Variants in SEMA3A observed in about 807,000 individuals in gnomAD.
SEMA3A encodes the protein semaphorin-3A.
In SEMA3A, 29 loss-of-function variants were observed where a neutral mutation model predicts 97.9. That is an observed-to-expected ratio of 0.30 (90% CI 0.22 to 0.40). The LOEUF (loss-of-function observed/expected upper bound fraction) is 0.40. SEMA3A is among the 10% of genes least tolerant of loss of function. The probability of loss-of-function intolerance (pLI) is 1.00; values close to 1 mark genes in which losing one functional copy is unlikely to be tolerated. For synonymous variants in SEMA3A, 321 were observed against 323.7 expected, an observed-to-expected ratio of 0.99 and a Z score of 0.09; for missense variants, 763 against 951.3, an observed-to-expected ratio of 0.80 and a Z score of 2.60.
At chr7:84,128,474 T>C (rs1004256595) in intron 3 of SEMA3A, among the ~76,000 whole-genome samples, 11 of 152,192 alleles carry the variant, frequency 7.2e-5, no homozygotes, top group Non-Finnish European at 2.9e-5. Context: ...TGAATATAAG[T>C]ATGTATGCTA....
At chr7:84,464,804 CAG>C (rs1805948976) in intron 1 of SEMA3A, among the ~76,000 whole-genome samples, 1 of 152,226 alleles carries the variant, frequency 6.6e-6, no homozygotes, top group African/African-American at 2.4e-5. Flanking sequence ...TTTTGGAAGA[CAG>C]AGGTATGAGA....
At chr7:84,437,365 A>C (rs1309350158) in intron 1 of SEMA3A, among the ~76,000 whole-genome samples, 3 of 151,974 alleles carry the variant, frequency 2.0e-5, no homozygotes, top group Non-Finnish European at 2.9e-5. Flanking sequence ...CTCTCCCTTG[A>C]ATGTTTATTT....
At chr7:84,154,835 GA>G (rs1293756925) in intron 1 of SEMA3A, among the ~76,000 whole-genome samples, 1 of 151,144 alleles carries the variant, frequency 6.6e-6, no homozygotes, top group Non-Finnish European at 1.5e-5. Context: ...GCCTAGAATT[GA>G]AAAAAAATAG....
intron 1 of SEMA3A, among the ~76,000 whole-genome samples, chr7:84,184,735 A>G (rs1305810508): frequency 6.6e-6 from 1 of 152,170 alleles, no homozygotes; most frequent in Non-Finnish European, 1.5e-5. Context: ...TGGAGCTTGA[A>G]GAAACAGAAT....
chr7:84,144,290 G>A (rs1427089739), intron 1 of SEMA3A, among the ~76,000 whole-genome samples: 3 of 152,030 alleles, frequency 2.0e-5, no homozygotes, highest in African/African-American at 2.4e-5. Flanking sequence ...CTCATTGTCA[G>A]AAGGAGGAAA....
chr7:84,367,884 T>C (rs1252803743), intron 2 of SEMA3A, among the ~76,000 whole-genome samples: 1 of 151,248 alleles, frequency 6.6e-6, no homozygotes. Context: ...TCTGTTTATC[T>C]AAAAGAATCT....
intron 3 of SEMA3A, among the ~76,000 whole-genome samples, chr7:84,272,998 T>C (rs1013693021): frequency 7.9e-5 from 12 of 152,136 alleles, no homozygotes; most frequent in Non-Finnish European, 1.5e-4. Flanking sequence ...AAAATAAATA[T>C]AGATTTGTGC....
Position 84,074,365 on chromosome 7 carries a change from G to A in SEMA3A, c.454-13807C>T, listed in dbSNP as rs542913277. Among the ~76,000 whole-genome samples, 6 of 152,150 alleles carry A rather than the reference G, an allele frequency of 3.9e-5. No individual in the cohort carries two copies. The East Asian group carries it at 1.2e-3, about 29-fold the overall frequency. On this transcript the variant is annotated intron_variant, in intron 4 of 16. Coordinates refer to ENST00000265362, the MANE Select transcript of SEMA3A (RefSeq NM_006080.3). ...GTAGTTATTTAACAATATACATTGT[G>A]GGAAGATGCAAAGAAATGTAACCCT...
At chr7:84,387,700 T>C (rs939109206) in intron 1 of SEMA3A, among the ~76,000 whole-genome samples, 2 of 152,198 alleles carry the variant, frequency 1.3e-5, no homozygotes, top group Admixed American at 6.5e-5. Context: ...ATAGTCTGAC[T>C]CTTTTATAGC....
intron 2 of SEMA3A, among the ~76,000 whole-genome samples, chr7:84,341,364 G>A (rs1177191712): frequency 6.6e-6 from 1 of 152,050 alleles, no homozygotes; most frequent in Non-Finnish European, 1.5e-5. Context: ...AATCTTCAAA[G>A]AATATTTCAG....
At chr7:84,176,828 C>T (rs537572582) in intron 1 of SEMA3A, among the ~76,000 whole-genome samples, 6 of 151,972 alleles carry the variant, frequency 3.9e-5, no homozygotes, top group South Asian at 2.1e-4. Flanking sequence ...ATAGAATGCA[C>T]GAAAGTTTAG....
At chr7:84,252,710 T>A (rs1016091955) in intron 3 of SEMA3A, among the ~76,000 whole-genome samples, 34 of 152,174 alleles carry the variant, frequency 2.2e-4, no homozygotes, top group Admixed American at 2.0e-3. Context: ...ATGGATGATA[T>A]AAAACATGTT....
intron 5 of SEMA3A, among the ~76,000 whole-genome samples, chr7:84,051,498 T>A (rs1792651570): frequency 1.3e-5 from 2 of 152,170 alleles, no homozygotes; most frequent in Admixed American, 6.5e-5. Context: ...CACTCATGAT[T>A]TGGCTCTCTG....
chr7:84,275,823 TTAA>T (rs1800279206), intron 3 of SEMA3A, among the ~76,000 whole-genome samples: 1 of 152,132 alleles, frequency 6.6e-6, no homozygotes, highest in African/African-American at 2.4e-5. Flanking sequence ...AAATATTTCA[TTAA>T]TAATTGTAAT....
At chr7:84,408,884 G>C (rs890247738) in intron 1 of SEMA3A, among the ~76,000 whole-genome samples, 2 of 151,838 alleles carry the variant, frequency 1.3e-5, no homozygotes, top group African/African-American at 4.8e-5. Flanking sequence ...TCACACACCG[G>C]GGACTGTTGT....
intron 11 of SEMA3A, 95 bp from the exon 12 acceptor site, chr7:84,002,141 C>G (rs1348254405): frequency 3.1e-6 from 2 of 650,564 alleles, no homozygotes; most frequent in East Asian, 2.9e-5. Flanking sequence ...GACAAAGAAC[C>G]TTTGATATCG....
chr7:84,416,608 C>T (rs1435424121), intron 1 of SEMA3A, among the ~76,000 whole-genome samples: 1 of 152,104 alleles, frequency 6.6e-6, no homozygotes, highest in African/African-American at 2.4e-5. Context: ...TATTCACAAA[C>T]ATTTAGCTTA....
chr7:84,289,927 A>G (rs774114916), intron 3 of SEMA3A, among the ~76,000 whole-genome samples: 19 of 152,206 alleles, frequency 1.2e-4, no homozygotes, highest in Non-Finnish European at 2.5e-4. Flanking sequence ...ATGGGATATT[A>G]TTTGGCAATA....
At chr7:84,203,369 G>A (rs1316191910) in intron 3 of SEMA3A, among the ~76,000 whole-genome samples, 2 of 150,008 alleles carry the variant, frequency 1.3e-5, no homozygotes, top group Non-Finnish European at 3.0e-5. Context: ...ATAGAATTTG[G>A]CACAGAATAA....
Sources: allele counts gnomAD v4.1 joint callset (sites outside exome capture counted in the v4.1 genomes callset), GRCh38; gene constraint gnomAD v4.1.1; transcripts MANE v1.5; gene names NCBI Gene and HGNC (gene_info 2026-07-23, HGNC 2026-07-21).